Variants in FAM204A observed in about 807,000 individuals in gnomAD.
The protein encoded by FAM204A is protein FAM204A.
Under a neutral mutation model 35.4 loss-of-function variants are expected in FAM204A, and 16 were observed. That is an observed-to-expected ratio of 0.45 (90% confidence interval 0.31 to 0.69). FAM204A has a LOEUF of 0.69. FAM204A is among the 30% of genes least tolerant of loss of function. The pLI, the probability that FAM204A is intolerant of heterozygous loss-of-function variation, is 0.07. For synonymous variants in FAM204A, 76 were observed against 86.9 expected (o/e 0.88, Z 0.70); for missense variants, 240 against 265.7 (o/e 0.90, Z 0.67).
chr10:118,329,333 T>C (rs1846251854), intron 6 of FAM204A, among the ~76,000 whole-genome samples: 1 of 152,140 alleles, frequency 6.6e-6, no homozygotes, highest in Admixed American at 6.5e-5. Flanking sequence ...TCATATTCCC[T>C]CTGAATAACA....
intron 7 of FAM204A, among the ~76,000 whole-genome samples, chr10:118,325,449 G>C (rs1846183555): frequency 6.6e-6 from 1 of 151,338 alleles, no homozygotes; most frequent in Non-Finnish European, 1.5e-5. Context: ...GAAGGATCAA[G>C]GCACTAAAAA....
At chr10:118,334,456 A>G (rs2133290534) in intron 6 of FAM204A, among the ~76,000 whole-genome samples, 1 of 152,254 alleles carries the variant, frequency 6.6e-6, no homozygotes, top group South Asian at 2.1e-4. Context: ...GGTTCAATTC[A>G]TCATCATCTT....
chr10:118,299,141 T>C lies in FAM204A; in HGVS notation c.*11716A>G, dbSNP rs1026104465. On this transcript the variant is annotated 3_prime_UTR_variant, in exon 9 of 9. Transcript: ENST00000369183. ...TTTTCAGCTTCCAAATGGGGAAAAC[T>C]GTCTGCCTGATTCTTGAGTATGCTA... is the stretch of plus-strand genomic sequence containing the variant. The C allele has an allele frequency of 6.6e-6, 1 of 152,208 alleles. No homozygotes were observed. Among genetic ancestry groups the C allele is most frequent in the Non-Finnish European group, 1.5e-5 (1 of 68,040 alleles). The allele number at this position is 152,208 out of a possible 1,614,324, so 9.4% of individuals were successfully genotyped here.
At position 118,310,655 on chromosome 10, in the gene FAM204A, T is replaced by C; in HGVS notation, c.*202A>G. On this transcript the variant is annotated 3_prime_UTR_variant, in exon 9 of 9. Coordinates refer to ENST00000369183, the MANE Select transcript of FAM204A (RefSeq NM_022063.3). ...TTTTTTCTTACATTTCTTATACAAA[T>C]AACAGAATGCTTCATTTTATTCACT... is the stretch of plus-strand genomic sequence containing the variant. 3.7e-6 allele frequency: 2 copies of C among 542,316 alleles called. No homozygotes were observed. The highest frequency in any genetic ancestry group is 3.3e-5 in the East Asian group (1 of 30,166). 33.6% of individuals were successfully genotyped at this position (542,316 alleles called of 1,614,324 possible). A position where few individuals can be genotyped will look rare whatever the true frequency, so the allele number is the denominator to read the frequency against.
chr10:118,335,897 T>C, intron 3 of FAM204A: 1 of 538,072 alleles, frequency 1.9e-6, no homozygotes, highest in South Asian at 2.8e-5. Flanking sequence ...AATAAAAGGT[T>C]AAATAAAGAC....
At chr10:118,328,179 T>C (rs1173642423) in intron 6 of FAM204A, among the ~76,000 whole-genome samples, 1 of 152,174 alleles carries the variant, frequency 6.6e-6, no homozygotes, top group Non-Finnish European at 1.5e-5. Flanking sequence ...TCTAGAATTC[T>C]ACTCCCTGAT....
chr10:118,326,073 CTTA>C, intron 7 of FAM204A, 78 bp downstream of exon 7: 1 of 1,059,414 alleles, frequency 9.4e-7, no homozygotes, highest in Non-Finnish European at 1.4e-6. Flanking sequence ...TAATACTGAA[CTTA>C]TTAATGATCA....
Position 118,310,542 on chromosome 10 carries a change from C to A in FAM204A, c.*315G>T. On this transcript the variant is annotated 3_prime_UTR_variant, in exon 9 of 9. Coordinates refer to ENST00000369183, the MANE Select transcript of FAM204A (RefSeq NM_022063.3). ...CGAGAAGCTCACTGGCTGTGCTAAA[C>A]CAAATGAATGGAAAGCGCCAAAAGT... 1 of 269,168 alleles carries A rather than the reference C, an allele frequency of 3.7e-6. No homozygotes were observed. The highest frequency in any genetic ancestry group is 6.9e-6 in the Non-Finnish European group (1 of 145,868). The allele number at this position is 269,168 out of a possible 1,614,324, so 16.7% of individuals were successfully genotyped here.
At chr10:118,321,321 C>A (rs1406355523) in intron 7 of FAM204A, among the ~76,000 whole-genome samples, 2 of 152,046 alleles carry the variant, frequency 1.3e-5, no homozygotes, top group Non-Finnish European at 2.9e-5. Flanking sequence ...TCAAACCAAA[C>A]TATTCATTCA....
chr10:118,328,094 A>G (rs1383037057), intron 6 of FAM204A, among the ~76,000 whole-genome samples: 2 of 152,256 alleles, frequency 1.3e-5, no homozygotes, highest in East Asian at 3.9e-4. Flanking sequence ...TTTGTATATC[A>G]ATGCACTTGG....
chr10:118,303,229 AAG>A lies in FAM204A; in HGVS notation c.*7626_*7627del, dbSNP rs1424908571. ...GAGCACTGTATGGGAAGAGTAATGAAAGAAGAATTTCAGATTTTCAATCTGCT... is the reference window on the plus strand; with the variant it reads ...GAGCACTGTATGGGAAGAGTAATGAAAAGAATTTCAGATTTTCAATCTGCT... On this transcript the variant is annotated 3_prime_UTR_variant, in exon 9 of 9. Coordinates refer to ENST00000369183, the MANE Select transcript of FAM204A (RefSeq NM_022063.3). 1 of 152,186 alleles carries A rather than the reference AAG, an allele frequency of 6.6e-6. No homozygotes were observed. The highest frequency in any genetic ancestry group is 6.5e-5 in the Admixed American group (1 of 15,288). 9.4% of individuals were successfully genotyped at this position (152,186 alleles called of 1,614,324 possible). A position where few individuals can be genotyped will look rare whatever the true frequency, so the allele number is the denominator to read the frequency against.
At chr10:118,333,639 T>C (rs979931509) in intron 6 of FAM204A, among the ~76,000 whole-genome samples, 4 of 152,174 alleles carry the variant, frequency 2.6e-5, no homozygotes, top group Non-Finnish European at 5.9e-5. Flanking sequence ...ACTAAGTCCT[T>C]CCTTTCCTCT....
chr10:118,311,152 G>A, intron 8 of FAM204A, 55 bp downstream of exon 8: 1 of 1,473,952 alleles, frequency 6.8e-7, no homozygotes, highest in South Asian at 1.2e-5. Flanking sequence ...AAATATATTA[G>A]CAGAATTTCT....
chr10:118,314,816 C>T (rs1234970933), intron 7 of FAM204A, among the ~76,000 whole-genome samples: 1 of 152,028 alleles, frequency 6.6e-6, no homozygotes, highest in African/African-American at 2.4e-5. Flanking sequence ...TATAGAACAT[C>T]CAATATTTTG....
At chr10:118,311,466 T>C in intron 7 of FAM204A, 153 bp from the exon 8 acceptor site, 1 of 633,646 alleles carries the variant, frequency 1.6e-6, no homozygotes. Flanking sequence ...GTATAATGAA[T>C]ACAAAGACAG....
chr10:118,325,873 T>C (rs941207914), intron 7 of FAM204A, among the ~76,000 whole-genome samples: 7 of 152,188 alleles, frequency 4.6e-5, no homozygotes, highest in Admixed American at 1.3e-4. Context: ...ATTTTAATCA[T>C]ACCTGAAACA....
intron 6 of FAM204A, among the ~76,000 whole-genome samples, chr10:118,334,843 G>T: frequency 6.6e-6 from 1 of 152,100 alleles, no homozygotes. Context: ...CATCCTTCAG[G>T]TCTCAGTGAC....
intron 7 of FAM204A, among the ~76,000 whole-genome samples, chr10:118,323,303 T>C (rs1314189998): frequency 1.3e-5 from 2 of 152,224 alleles, no homozygotes; most frequent in East Asian, 1.9e-4. Flanking sequence ...TCTTACGCTT[T>C]ACTCGGAACT....
intron 2 of FAM204A, among the ~76,000 whole-genome samples, chr10:118,339,686 A>G (rs764662861): frequency 2.0e-5 from 3 of 152,182 alleles, no homozygotes; most frequent in Non-Finnish European, 4.4e-5. Flanking sequence ...TTTAGCCCCA[A>G]GGAAAATGTA....
Sources: allele counts gnomAD v4.1 joint callset (sites outside exome capture counted in the v4.1 genomes callset), GRCh38; gene constraint gnomAD v4.1.1; transcripts MANE v1.5; gene names NCBI Gene and HGNC (gene_info 2026-07-23, HGNC 2026-07-21).